WWTR1: variants seen among roughly 807,000 people sequenced by gnomAD.
WWTR1 encodes the protein WW domain-containing transcription regulator protein 1.
WWTR1 carries 13 observed loss-of-function variants against 40.1 expected under a neutral mutation model. The ratio of observed to expected loss-of-function variants is 0.32; its 90% confidence interval spans 0.21 to 0.52. The LOEUF is 0.52. WWTR1 is among the 20% of genes least tolerant of loss of function. WWTR1 has a pLI of 0.97. For synonymous variants in WWTR1, 230 were observed against 210.1 expected (o/e 1.09, Z -0.82); for missense variants, 436 against 523.1 (o/e 0.83, Z 1.63).
At chr3:149,638,472 T>C (rs542352408) in intron 2 of WWTR1, among the ~76,000 whole-genome samples, 4 of 152,302 alleles carry the variant, frequency 2.6e-5, no homozygotes, top group African/African-American at 7.2e-5. Context: ...TAAAGGGCAA[T>C]GGCATAATAC....
At position 149,656,791 on chromosome 3, in the gene WWTR1, T is replaced by TCA. The variant is rs558663867; in HGVS notation, c.431+83_431+84dup. The TCA allele has an allele frequency of 6.8e-3, 4,383 of 642,526 alleles. 39 individuals are homozygous for TCA. The highest frequency in any genetic ancestry group is 0.044 in the African/African-American group (2,137 of 48,516). The allele number at this position is 642,526 out of a possible 1,614,324, so 39.8% of individuals were successfully genotyped here. ...CTCTCTCTCTCTCTCTCTCTCTCTC[T>TCA]CACACACACACACACACACACACGA... On this transcript the variant is annotated intron_variant, in intron 2 of 6. Transcript: ENST00000360632.
At chr3:149,553,321 G>A (rs1177592205) in intron 3 of WWTR1, among the ~76,000 whole-genome samples, 5 of 152,138 alleles carry the variant, frequency 3.3e-5, no homozygotes, top group Non-Finnish European at 5.9e-5. Context: ...CAAAATATAC[G>A]TGATAAGTTA....
chr3:149,517,392 C>T lies in WWTR1; in HGVS notation c.*3413G>A, dbSNP rs559655689. On this transcript the variant is annotated 3_prime_UTR_variant, in exon 7 of 7. Coordinates refer to ENST00000360632, the MANE Select transcript of WWTR1 (RefSeq NM_015472.6). ...AAATAGAAATTTTTATATTACAAAA[C>T]GTAGAAGTAAAATTTTAAAAAGTTA... 2.8e-4 allele frequency: 42 copies of T among 152,178 alleles called. No homozygotes were observed. Among genetic ancestry groups the T allele is most frequent in the African/African-American group, 7.7e-4 (32 of 41,526 alleles). The allele number at this position is 152,178 out of a possible 1,614,324, so 9.4% of individuals were successfully genotyped here. A position where few individuals can be genotyped will look rare whatever the true frequency, so the allele number is the denominator to read the frequency against.
At chr3:149,620,607 T>C (rs529078733) in intron 2 of WWTR1, among the ~76,000 whole-genome samples, 1 of 147,962 alleles carries the variant, frequency 6.8e-6, no homozygotes, top group Admixed American at 6.7e-5. Context: ...AAAAGACTTC[T>C]TTAAAACAAC....
chr3:149,665,775 T>G (rs1412783165), intron 2 of WWTR1, among the ~76,000 whole-genome samples: 1 of 152,184 alleles, frequency 6.6e-6, no homozygotes, highest in Non-Finnish European at 1.5e-5. Flanking sequence ...TATTAAAAAC[T>G]ATGTAGAAAT....
intron 4 of WWTR1, among the ~76,000 whole-genome samples, chr3:149,534,308 G>C (rs956344080): frequency 1.3e-5 from 2 of 152,124 alleles, no homozygotes; most frequent in African/African-American, 4.8e-5. Flanking sequence ...GTCTCAGTGT[G>C]GCAGAGAAAG....
At chr3:149,572,144 C>A (rs1169639772) in intron 3 of WWTR1, among the ~76,000 whole-genome samples, 3 of 152,304 alleles carry the variant, frequency 2.0e-5, no homozygotes, top group East Asian at 3.9e-4. Flanking sequence ...TCCAGCTCTG[C>A]TCTCCACAAG....
intron 1 of WWTR1, among the ~76,000 whole-genome samples, chr3:149,686,634 A>T (rs1423430765): frequency 1.3e-5 from 2 of 152,156 alleles, no homozygotes; most frequent in Non-Finnish European, 2.9e-5. Flanking sequence ...TTACACACAC[A>T]CACCTAAACC....
At chr3:149,663,421 C>A (rs538440657) in intron 2 of WWTR1, among the ~76,000 whole-genome samples, 1 of 152,010 alleles carries the variant, frequency 6.6e-6, no homozygotes, top group Non-Finnish European at 1.5e-5. Flanking sequence ...TGAGGTCAGG[C>A]GCAGTGGCTC....
chr3:149,567,057 T>C (rs1026196939), intron 3 of WWTR1, among the ~76,000 whole-genome samples: 1 of 152,114 alleles, frequency 6.6e-6, no homozygotes, highest in Admixed American at 6.5e-5. Context: ...TGTTATAGTC[T>C]TTATTTTTTC....
intron 4 of WWTR1, among the ~76,000 whole-genome samples, chr3:149,532,824 GA>G (rs1735651178): frequency 6.6e-6 from 1 of 152,218 alleles, no homozygotes; most frequent in Non-Finnish European, 1.5e-5. Context: ...GTCTGACTTA[GA>G]CCAAACAGCA....
chr3:149,699,385 C>G (rs941782926), intron 1 of WWTR1, among the ~76,000 whole-genome samples: 3 of 151,718 alleles, frequency 2.0e-5, no homozygotes, highest in African/African-American at 7.3e-5. Context: ...CCTCTGCCTC[C>G]CCAGTTCAAG....
At chr3:149,641,801 C>G (rs1712185119) in intron 2 of WWTR1, among the ~76,000 whole-genome samples, 1 of 152,176 alleles carries the variant, frequency 6.6e-6, no homozygotes, top group Non-Finnish European at 1.5e-5. Context: ...CAGACAAATA[C>G]AAAGAACAAT....
intron 2 of WWTR1, among the ~76,000 whole-genome samples, chr3:149,634,869 A>T (rs1711731911): frequency 6.6e-6 from 1 of 152,238 alleles, no homozygotes; most frequent in Non-Finnish European, 1.5e-5. Flanking sequence ...AGACCCGGCC[A>T]CGGTATATCC....
chr3:149,568,504 G>A (rs1737441902), intron 3 of WWTR1, among the ~76,000 whole-genome samples: 1 of 117,182 alleles, frequency 8.5e-6, no homozygotes, highest in African/African-American at 3.2e-5. Context: ...AACTGGAGAT[G>A]GCTATTTGAA....
chr3:149,605,484 T>C (rs1410280665), intron 2 of WWTR1, among the ~76,000 whole-genome samples: 2 of 152,136 alleles, frequency 1.3e-5, no homozygotes, highest in Non-Finnish European at 2.9e-5. Context: ...GGTGAGGCAG[T>C]AATTTGAGCA....
At chr3:149,677,826 C>T (rs1350957226) in intron 1 of WWTR1, among the ~76,000 whole-genome samples, 5 of 152,192 alleles carry the variant, frequency 3.3e-5, no homozygotes, top group Admixed American at 2.0e-4. Flanking sequence ...GGTGACACAG[C>T]GATCTCAGCT....
chr3:149,522,023 A>T (rs901457266), intron 6 of WWTR1, among the ~76,000 whole-genome samples: 1 of 152,232 alleles, frequency 6.6e-6, no homozygotes, highest in Non-Finnish European at 1.5e-5. Flanking sequence ...TGAGAGAAAG[A>T]AAAACCCAGG....
chr3:149,531,099 T>C (rs955646353), intron 4 of WWTR1, among the ~76,000 whole-genome samples: 2 of 152,148 alleles, frequency 1.3e-5, no homozygotes, highest in African/African-American at 4.8e-5. Context: ...CACGCCCAGC[T>C]AATTTTTGTA....
Sources: allele counts gnomAD v4.1 joint callset (sites outside exome capture counted in the v4.1 genomes callset), GRCh38; gene constraint gnomAD v4.1.1; transcripts MANE v1.5; gene names NCBI Gene and HGNC (gene_info 2026-07-23, HGNC 2026-07-21).